DCC: variants seen among roughly 807,000 people sequenced by gnomAD.
The protein encoded by DCC is DCC netrin 1 receptor, also known as netrin receptor DCC.
DCC carries 58 observed loss-of-function variants against 172.5 expected under a neutral mutation model. That is an observed-to-expected ratio of 0.34 (90% confidence interval 0.27 to 0.42). The LOEUF (loss-of-function observed/expected upper bound fraction) is 0.42. Among genes scored for constraint, DCC ranks in the 10% least tolerant of loss-of-function variants. The probability of loss-of-function intolerance (pLI) is 1.00; values close to 1 mark genes in which losing one functional copy is unlikely to be tolerated. For missense variants in DCC, 1,740 were observed against 1,791.0 expected (o/e 0.97, Z 0.51); for synonymous variants, 709 against 644.5 (o/e 1.10, Z -1.52).
At chr18:52,903,913 C>T (rs1314286452) in intron 2 of DCC, among the ~76,000 whole-genome samples, 2 of 152,170 alleles carry the variant, frequency 1.3e-5, no homozygotes, top group African/African-American at 2.4e-5. Context: ...CTGTATAATG[C>T]AGACAGTCTG....
chr18:53,171,521 A>G (rs995468423), intron 8 of DCC, among the ~76,000 whole-genome samples: 1 of 152,244 alleles, frequency 6.6e-6, no homozygotes, highest in Non-Finnish European at 1.5e-5. Flanking sequence ...ATGTTTATAC[A>G]TAAATTTTTT....
intron 24 of DCC, among the ~76,000 whole-genome samples, chr18:53,464,909 GC>G (rs1313095506): frequency 6.7e-6 from 1 of 149,656 alleles, no homozygotes; most frequent in Non-Finnish European, 1.5e-5. Flanking sequence ...AACCTTGGAG[GC>G]AGAGGTTGCG....
chr18:53,092,901 T>C (rs2144187701), intron 7 of DCC, among the ~76,000 whole-genome samples: 1 of 152,300 alleles, frequency 6.6e-6, no homozygotes, highest in African/African-American at 2.4e-5. Context: ...TAGGCAATTT[T>C]AATGCTAGCA....
intron 5 of DCC, among the ~76,000 whole-genome samples, chr18:52,930,799 T>C (rs2040296143): frequency 6.6e-6 from 1 of 152,186 alleles, no homozygotes; most frequent in South Asian, 2.1e-4. Flanking sequence ...ATGTTGTGTA[T>C]GCCTTTGCAT....
chr18:53,273,312 T>A (rs1246112429), intron 12 of DCC, among the ~76,000 whole-genome samples: 1 of 152,138 alleles, frequency 6.6e-6, no homozygotes, highest in Non-Finnish European at 1.5e-5. Flanking sequence ...TGTCCTCTTT[T>A]TGTTCTTGCC....
At chr18:52,645,776 C>T (rs1416726400) in intron 1 of DCC, among the ~76,000 whole-genome samples, 3 of 152,126 alleles carry the variant, frequency 2.0e-5, no homozygotes, top group Admixed American at 2.0e-4. Flanking sequence ...GGAATGAGCT[C>T]TAACAAGGAA....
chr18:53,233,418 T>C (rs566703372), intron 12 of DCC, among the ~76,000 whole-genome samples: 2 of 152,312 alleles, frequency 1.3e-5, no homozygotes, highest in African/African-American at 4.8e-5. Flanking sequence ...TAAAATCATA[T>C]CAAGAAACAG....
At chr18:52,512,150 G>C (rs1312040341) in intron 1 of DCC, among the ~76,000 whole-genome samples, 1 of 152,154 alleles carries the variant, frequency 6.6e-6, no homozygotes, top group African/African-American at 2.4e-5. Flanking sequence ...GTGTGTAATA[G>C]ATTAGGGGCT....
chr18:53,021,845 G>A (rs1194798916), intron 5 of DCC, among the ~76,000 whole-genome samples: 1 of 152,142 alleles, frequency 6.6e-6, no homozygotes, highest in Non-Finnish European at 1.5e-5. Context: ...TTAGTATTTT[G>A]GGAAAAGCAA....
chr18:52,792,431 T>A (rs1298673863), intron 2 of DCC, among the ~76,000 whole-genome samples: 1 of 152,162 alleles, frequency 6.6e-6, no homozygotes, highest in Non-Finnish European at 1.5e-5. Flanking sequence ...ACCAGGGTGG[T>A]CAGAGGCCGA....
At chr18:52,486,433 A>AT (rs1197664991) in intron 1 of DCC, among the ~76,000 whole-genome samples, 6 of 152,268 alleles carry the variant, frequency 3.9e-5, no homozygotes, top group African/African-American at 1.4e-4. Context: ...CCTCCAACTG[A>AT]TTTCACAAAA....
intron 5 of DCC, among the ~76,000 whole-genome samples, chr18:53,054,131 C>T (rs960079247): frequency 3.2e-4 from 48 of 152,214 alleles, no homozygotes; most frequent in Non-Finnish European, 5.9e-5. Flanking sequence ...TAAATCATCT[C>T]TAGATTACTC....
At chr18:53,075,330 A>G (rs531077564) in intron 7 of DCC, among the ~76,000 whole-genome samples, 1 of 152,316 alleles carries the variant, frequency 6.6e-6, no homozygotes, top group South Asian at 2.1e-4. Context: ...CTTGTCCTTC[A>G]TTCAGCACGT....
intron 3 of DCC, among the ~76,000 whole-genome samples, chr18:52,923,157 C>T (rs1181317325): frequency 6.6e-6 from 1 of 152,094 alleles, no homozygotes; most frequent in South Asian, 2.1e-4. Flanking sequence ...AATAAACCAA[C>T]TTCAGTTATA....
At chr18:52,960,087 C>T (rs570872732) in intron 5 of DCC, among the ~76,000 whole-genome samples, 8 of 152,218 alleles carry the variant, frequency 5.3e-5, no homozygotes, top group Admixed American at 6.5e-5. Flanking sequence ...CACGCACCCA[C>T]GCATGCATGC....
intron 1 of DCC, among the ~76,000 whole-genome samples, chr18:52,387,004 G>C (rs1351236647): frequency 6.6e-6 from 1 of 152,078 alleles, no homozygotes; most frequent in African/African-American, 2.4e-5. Context: ...AAATGAAGCA[G>C]AAAGGGCAGA....
intron 15 of DCC, among the ~76,000 whole-genome samples, chr18:53,355,532 A>G (rs2057868212): frequency 6.6e-6 from 1 of 152,116 alleles, no homozygotes. Context: ...TTCTCTTTGA[A>G]GCAATTGTGA....
intron 2 of DCC, among the ~76,000 whole-genome samples, chr18:52,844,724 T>G (rs2038859009): frequency 1.3e-5 from 2 of 152,168 alleles, no homozygotes; most frequent in African/African-American, 4.8e-5. Context: ...AAACTAAAAG[T>G]CATTCTCTAA....
intron 5 of DCC, among the ~76,000 whole-genome samples, chr18:52,983,291 G>T (rs2145607932): frequency 6.6e-6 from 1 of 152,236 alleles, no homozygotes; most frequent in African/African-American, 2.4e-5. Flanking sequence ...AGGGAACATT[G>T]GATGCTTTGC....
Sources: allele counts gnomAD v4.1 joint callset (sites outside exome capture counted in the v4.1 genomes callset), GRCh38; gene constraint gnomAD v4.1.1; transcripts MANE v1.5; gene names NCBI Gene and HGNC (gene_info 2026-07-23, HGNC 2026-07-21).